The following NFIB variants were observed in gnomAD, a reference collection of about 807,000 sequenced individuals.
The protein encoded by NFIB is nuclear factor 1 B-type.
A neutral mutation model predicts 61.5 loss-of-function variants in NFIB; 11 were observed. The observed-to-expected ratio is 0.18, with a 90% CI of 0.11 to 0.30. NFIB has a LOEUF of 0.30. Ranked by LOEUF, NFIB falls within the 10% of genes least tolerant of loss-of-function variation. The pLI is 1.00. For synonymous variants in NFIB, 260 were observed against 216.5 expected (o/e 1.20, Z -1.76); for missense variants, 471 against 608.9 (o/e 0.77, Z 2.38).
At chr9:14,355,361 C>A (rs975596558) in intron 1 of NFIB, among the ~76,000 whole-genome samples, 1 of 152,158 alleles carries the variant, frequency 6.6e-6, no homozygotes, top group Non-Finnish European at 1.5e-5. Context: ...ACCAACCCTG[C>A]TGACAACTTG....
chr9:14,430,313 C>T, the NFIB span, among the ~76,000 whole-genome samples: 1 of 151,508 alleles, frequency 6.6e-6, no homozygotes, highest in Non-Finnish European at 1.5e-5. Flanking sequence ...ACAGATTATA[C>T]AGCGAATTAA....
chr9:14,443,885 G>A, the NFIB span, among the ~76,000 whole-genome samples: 2 of 152,034 alleles, frequency 1.3e-5, no homozygotes, highest in Admixed American at 1.3e-4. Context: ...AATATTTACT[G>A]TATGAAAAAA....
At chr9:14,388,848 G>T (rs1188345871) in intron 1 of NFIB, among the ~76,000 whole-genome samples, 1 of 152,190 alleles carries the variant, frequency 6.6e-6, no homozygotes, top group Admixed American at 6.5e-5. Flanking sequence ...TTCACTATTT[G>T]TGTATATGAC....
chr9:14,175,729 C>T (rs2046116769), intron 3 of NFIB, among the ~76,000 whole-genome samples: 1 of 152,104 alleles, frequency 6.6e-6, no homozygotes, highest in Non-Finnish European at 1.5e-5. Flanking sequence ...ATGTTAAGTC[C>T]ATGTTATTCC....
intron 6 of NFIB, among the ~76,000 whole-genome samples, chr9:14,143,745 C>G (rs1221680481): frequency 6.6e-6 from 1 of 152,108 alleles, no homozygotes; most frequent in Admixed American, 6.6e-5. Flanking sequence ...TTAGACAACT[C>G]CCTCCATCAC....
intron 4 of NFIB, among the ~76,000 whole-genome samples, chr9:14,152,682 C>CAAA (rs1196867163): frequency 6.6e-6 from 1 of 152,044 alleles, no homozygotes; most frequent in Admixed American, 6.6e-5. Flanking sequence ...CATAAATAAA[C>CAAA]TAGATGTAAT....
chr9:14,316,068 G>C (rs1467370045), upstream of NFIB, among the ~76,000 whole-genome samples: 1 of 151,980 alleles, frequency 6.6e-6, no homozygotes, highest in Non-Finnish European at 1.5e-5. Context: ...TCTGTCCACC[G>C]TCCCCTCTTC....
At chr9:14,130,756 T>C (rs1312843009) in intron 6 of NFIB, among the ~76,000 whole-genome samples, 1 of 152,102 alleles carries the variant, frequency 6.6e-6, no homozygotes, top group Non-Finnish European at 1.5e-5. Flanking sequence ...TTAGAATCTC[T>C]GGCATGTGAA....
At chr9:14,147,280 G>A (rs1390888471) in intron 5 of NFIB, among the ~76,000 whole-genome samples, 2 of 151,978 alleles carry the variant, frequency 1.3e-5, no homozygotes, top group African/African-American at 4.8e-5. Flanking sequence ...ATCTTGAGTA[G>A]GCCACTTATG....
At chr9:14,168,592 C>A (rs979099006) in intron 3 of NFIB, among the ~76,000 whole-genome samples, 5 of 152,136 alleles carry the variant, frequency 3.3e-5, no homozygotes, top group Non-Finnish European at 5.9e-5. Context: ...GAGTGGAGAC[C>A]TTGGAACCAT....
chr9:14,433,011 G>A, the NFIB span, among the ~76,000 whole-genome samples: 1 of 152,096 alleles, frequency 6.6e-6, no homozygotes, highest in Non-Finnish European at 1.5e-5. Context: ...TAACAAATAT[G>A]AATTTTTGCT....
chr9:14,274,047 G>A (rs551476961), intron 2 of NFIB, among the ~76,000 whole-genome samples: 3 of 152,242 alleles, frequency 2.0e-5, no homozygotes, highest in East Asian at 1.9e-4. Flanking sequence ...AAAGAGCCAC[G>A]ATACTGCAAG....
intron 2 of NFIB, among the ~76,000 whole-genome samples, chr9:14,242,343 C>T (rs1036633310): frequency 1.1e-4 from 17 of 152,126 alleles, no homozygotes; most frequent in Non-Finnish European, 1.5e-4. Flanking sequence ...TTTTCCATTG[C>T]AAACCTACAA....
chr9:14,238,969 T>C (rs891775735), intron 2 of NFIB, among the ~76,000 whole-genome samples: 1 of 152,170 alleles, frequency 6.6e-6, no homozygotes, highest in African/African-American at 2.4e-5. Flanking sequence ...CAGCATAAGG[T>C]CAACTGATGG....
At chr9:14,181,527 T>C (rs1280379666) in intron 2 of NFIB, among the ~76,000 whole-genome samples, 1 of 152,190 alleles carries the variant, frequency 6.6e-6, no homozygotes, top group Admixed American at 6.5e-5. Context: ...TCGTTCTACA[T>C]TCCTTTAAAA....
At chr9:14,492,152 A>T in the NFIB span, among the ~76,000 whole-genome samples, 1 of 152,098 alleles carries the variant, frequency 6.6e-6, no homozygotes, top group African/African-American at 2.4e-5. Flanking sequence ...TCACAAGGTC[A>T]GGAGATCGAG....
At chr9:14,100,039 C>T (rs902497771) in intron 10 of NFIB, among the ~76,000 whole-genome samples, 1 of 152,070 alleles carries the variant, frequency 6.6e-6, no homozygotes, top group Admixed American at 6.5e-5. Flanking sequence ...TGCCACTGCA[C>T]TCCAGCCTGG....
chr9:14,467,908 T>C, the NFIB span, among the ~76,000 whole-genome samples: 1 of 152,196 alleles, frequency 6.6e-6, no homozygotes, highest in Middle Eastern at 3.2e-3. Flanking sequence ...ACAATGTAGG[T>C]ATTAAATGGT....
intron 3 of NFIB, among the ~76,000 whole-genome samples, chr9:14,172,900 G>C (rs2045728566): frequency 6.6e-6 from 1 of 152,076 alleles, no homozygotes; most frequent in Non-Finnish European, 1.5e-5. Flanking sequence ...CTCCCAAGTA[G>C]CTGGGACTAC....
Sources: gnomAD v4.1 joint callset for allele counts (sites outside exome capture counted in the v4.1 genomes callset) on GRCh38, gnomAD v4.1.1 for gene constraint, MANE v1.5 for transcripts, NCBI Gene and HGNC (gene_info 2026-07-23, HGNC 2026-07-21) for gene names.